Variants in PLPPR1 observed in about 807,000 individuals in gnomAD.
The protein encoded by PLPPR1 is phospholipid phosphatase related 1.
Under a neutral mutation model 33.1 loss-of-function variants are expected in PLPPR1, and 10 were observed. That is an observed-to-expected ratio of 0.30 (90% confidence interval 0.19 to 0.51). The LOEUF (loss-of-function observed/expected upper bound fraction) is 0.51. Among genes scored for constraint, PLPPR1 ranks in the 20% least tolerant of loss-of-function variants. PLPPR1 has a pLI of 0.97. For synonymous variants in PLPPR1, 151 were observed against 151.0 expected, an observed-to-expected ratio of 1.00 and a Z score of 0.00; for missense variants, 304 against 408.1, an observed-to-expected ratio of 0.74 and a Z score of 2.20.
At chr9:101,237,836 T>TGTGTATATAG (rs1554682636) in intron 2 of PLPPR1, among the ~76,000 whole-genome samples, 1 of 129,894 alleles carries the variant, frequency 7.7e-6, no homozygotes, top group South Asian at 2.5e-4. Flanking sequence ...TATATATATA[T>TGTGTATATAG]GCTATATATG....
chr9:101,126,935 G>A (rs1421229344), intron 1 of PLPPR1, among the ~76,000 whole-genome samples: 2 of 151,968 alleles, frequency 1.3e-5, no homozygotes, highest in Admixed American at 6.6e-5. Flanking sequence ...ATCTTTATAC[G>A]CTTTTTTAAA....
intron 1 of PLPPR1, among the ~76,000 whole-genome samples, chr9:101,036,370 T>C (rs1437955753): frequency 6.6e-6 from 1 of 152,136 alleles, no homozygotes; most frequent in Non-Finnish European, 1.5e-5. Context: ...TATATTCACA[T>C]TGTAAAAGCA....
chr9:101,261,950 C>T (rs550863763), intron 2 of PLPPR1, among the ~76,000 whole-genome samples: 11 of 151,942 alleles, frequency 7.2e-5, no homozygotes, highest in South Asian at 2.1e-4. Flanking sequence ...GTAACAAACC[C>T]GTACATCCTG....
At position 101,243,122 on chromosome 9, in the gene PLPPR1, C is replaced by T. The variant is rs577529890; in HGVS notation, c.64-26758C>T. ...AACAAAGTGAGACACATGTAGGTAA[C>T]CTTACCTGAAGTAGAAATGTATGAT... On this transcript the variant is annotated intron_variant, in intron 2 of 7. Transcript: ENST00000374874. 2.6e-5 allele frequency among the ~76,000 whole-genome samples: 4 copies of T among 151,950 alleles called. No homozygotes were observed. In the East Asian group the frequency reaches 7.8e-4, roughly 30 times the overall value.
intron 1 of PLPPR1, among the ~76,000 whole-genome samples, chr9:101,036,272 T>A (rs1005851137): frequency 3.3e-5 from 5 of 152,152 alleles, no homozygotes; most frequent in Non-Finnish European, 7.4e-5. Context: ...AGGGCCCTGA[T>A]TGAAAATATT....
At chr9:101,194,399 G>A (rs1011790236) in intron 2 of PLPPR1, among the ~76,000 whole-genome samples, 5 of 152,146 alleles carry the variant, frequency 3.3e-5, no homozygotes, top group Admixed American at 6.5e-5. Context: ...TTTGATGCAT[G>A]TAGTTTTCTA....
intron 1 of PLPPR1, among the ~76,000 whole-genome samples, chr9:101,174,200 G>A (rs1825986849): frequency 6.6e-6 from 1 of 152,058 alleles, no homozygotes; most frequent in African/African-American, 2.4e-5. Context: ...AATCAATGTA[G>A]GCTCAAAGTG....
intron 2 of PLPPR1, among the ~76,000 whole-genome samples, chr9:101,265,273 A>G (rs1281282547): frequency 6.6e-6 from 1 of 152,154 alleles, no homozygotes; most frequent in Non-Finnish European, 1.5e-5. Context: ...TTACTGCTAT[A>G]TTGGATTGTC....
chr9:101,205,023 A>G (rs1016303116), intron 2 of PLPPR1, among the ~76,000 whole-genome samples: 1 of 152,158 alleles, frequency 6.6e-6, no homozygotes, highest in Non-Finnish European at 1.5e-5. Context: ...TAAGGTACTC[A>G]TGTCTCAAAG....
chr9:101,100,141 G>T (rs1319557624), intron 1 of PLPPR1, among the ~76,000 whole-genome samples: 1 of 150,876 alleles, frequency 6.6e-6, no homozygotes, highest in African/African-American at 2.5e-5. Context: ...TCTGAAACAT[G>T]AAATTTACAA....
At chr9:101,262,568 A>T (rs1277477647) in intron 2 of PLPPR1, among the ~76,000 whole-genome samples, 1 of 152,242 alleles carries the variant, frequency 6.6e-6, no homozygotes, top group Non-Finnish European at 1.5e-5. Flanking sequence ...AGTATAAATT[A>T]GTTCAACCAT....
chr9:101,164,151 G>A (rs1377602786), intron 1 of PLPPR1, among the ~76,000 whole-genome samples: 1 of 152,104 alleles, frequency 6.6e-6, no homozygotes, highest in South Asian at 2.1e-4. Flanking sequence ...AGAAGTTGAT[G>A]TGGTGACTAA....
chr9:101,206,510 C>G (rs912597791), intron 2 of PLPPR1, among the ~76,000 whole-genome samples: 2 of 152,136 alleles, frequency 1.3e-5, no homozygotes, highest in African/African-American at 4.8e-5. Flanking sequence ...GTTTAGGTGC[C>G]TTTTCTGTTC....
At chr9:101,312,691 C>T in intron 5 of PLPPR1, 107 bp from the exon 6 acceptor site, 7 of 822,776 alleles carry the variant, frequency 8.5e-6, no homozygotes, top group Non-Finnish European at 9.7e-6. Flanking sequence ...GTTGCTTTGA[C>T]ACAAGCCCCT....
intron 1 of PLPPR1, among the ~76,000 whole-genome samples, chr9:101,073,055 A>G (rs1025756415): frequency 3.3e-5 from 5 of 152,352 alleles, no homozygotes; most frequent in African/African-American, 1.2e-4. Context: ...AATCAAAGGT[A>G]GCTACTATTA....
At chr9:101,099,007 G>C (rs978581559) in intron 1 of PLPPR1, among the ~76,000 whole-genome samples, 1 of 151,880 alleles carries the variant, frequency 6.6e-6, no homozygotes, top group Non-Finnish European at 1.5e-5. Context: ...AAGCCTAAAG[G>C]CACCAATTAC....
chr9:101,052,081 G>C (rs930762376), intron 1 of PLPPR1, among the ~76,000 whole-genome samples: 2 of 152,060 alleles, frequency 1.3e-5, no homozygotes, highest in Non-Finnish European at 2.9e-5. Context: ...TTGTACTTCA[G>C]TTTCCTAATC....
At chr9:101,196,624 G>A (rs1380013886) in intron 2 of PLPPR1, among the ~76,000 whole-genome samples, 1 of 152,208 alleles carries the variant, frequency 6.6e-6, no homozygotes, top group African/African-American at 2.4e-5. Flanking sequence ...CACTTTGGGA[G>A]GCCGAGGCGG....
At chr9:101,051,083 C>T (rs1361671182) in intron 1 of PLPPR1, among the ~76,000 whole-genome samples, 1 of 152,206 alleles carries the variant, frequency 6.6e-6, no homozygotes, top group Non-Finnish European at 1.5e-5. Flanking sequence ...GCGTATCTCA[C>T]TCTATCGTCC....
Sources: gnomAD v4.1 joint callset for allele counts (sites outside exome capture counted in the v4.1 genomes callset) on GRCh38, gnomAD v4.1.1 for gene constraint, MANE v1.5 for transcripts, NCBI Gene and HGNC (gene_info 2026-07-23, HGNC 2026-07-21) for gene names.